The following RARS1 variants were observed in gnomAD, a reference collection of about 807,000 sequenced individuals.
The protein encoded by RARS1 is arginine--tRNA ligase, cytoplasmic.
Under a neutral mutation model 78.7 loss-of-function variants are expected in RARS1, and 75 were observed. That is an observed-to-expected ratio of 0.95 (90% CI 0.79 to 1.15). The LOEUF is 1.15. Among genes scored for constraint, RARS1 ranks in the 50% most tolerant of loss-of-function variants. RARS1 has a pLI of 0.00. For missense variants in RARS1, 787 were observed against 787.5 expected (o/e 1.00, Z 0.01); for synonymous variants, 273 against 268.2 (o/e 1.02, Z -0.18).
At chr5:168,501,542 G>A (rs1018026600) in intron 8 of RARS1, among the ~76,000 whole-genome samples, 1 of 152,170 alleles carries the variant, frequency 6.6e-6, no homozygotes, top group African/African-American at 2.4e-5. Flanking sequence ...GGCCAACATG[G>A]TGAAACCCCA....
Position 168,506,957 on chromosome 5 carries a change from T to G in RARS1, c.1346+126T>G. ...TTAGTCCACATAAGCTATAATGGTG[T>G]AAACCCAGCTGAGTGATTTTGTATC... On this transcript the variant is annotated intron_variant, in intron 11 of 14. Coordinates refer to ENST00000231572, the MANE Select transcript of RARS1 (RefSeq NM_002887.4). 4 of 720,912 alleles carry G rather than the reference T, an allele frequency of 5.5e-6. No homozygotes were observed. The Middle Eastern group carries it at 8.3e-4, about 150-fold the overall frequency. The allele number at this position is 720,912 out of a possible 1,614,324, so 44.7% of individuals were successfully genotyped here.
intron 14 of RARS1, 33 bp downstream of exon 14, chr5:168,518,095 T>TTTTTTTTTTTTTTTTG: frequency 1.5e-6 from 2 of 1,338,148 alleles, no homozygotes; most frequent in Non-Finnish European, 2.0e-6. Flanking sequence ...TTTTTTTTTT[T>TTTTTTTTTTTTTTTTG]AGTGAGAGAC....
rs1281643456 is a variant in RARS1 at position 168,500,581 on chromosome 5, A to G, written c.823-10A>G. The G allele has an allele frequency of 6.8e-7, 1 of 1,476,340 alleles. No homozygotes were observed. Among genetic ancestry groups the G allele is most frequent in the African/African-American group, 1.5e-5 (1 of 68,798 alleles). The allele number at this position is 1,476,340 out of a possible 1,614,324, so 91.5% of individuals were successfully genotyped here. Reference sequence around the variant, plus strand: ...ACACACCTTACTTTTTAAAATATATATATATACAGGAATCTAAGAAGAGGT... The same window carrying G: ...ACACACCTTACTTTTTAAAATATATGTATATACAGGAATCTAAGAAGAGGT... On this transcript the variant is annotated splice_polypyrimidine_tract_variant and intron_variant, in intron 7 of 14. Transcript: ENST00000231572.
In RARS1 at chr5:168,510,479, A is replaced by T. The variant is rs1758542261; in HGVS notation, c.1347-102A>T. 6.3e-6 allele frequency: 5 copies of T among 797,136 alleles called. No individual in the cohort carries two copies. The East Asian group carries it at 1.3e-4, about 21-fold the overall frequency. 49.4% of individuals were successfully genotyped at this position (797,136 alleles called of 1,614,324 possible). A position where few individuals can be genotyped will look rare whatever the true frequency, so the allele number is the denominator to read the frequency against. On this transcript the variant is annotated intron_variant, in intron 11 of 14. Transcript: ENST00000231572. Reference sequence around the variant, plus strand: ...TATGTACCTTAGAGATTTAAAACATATGTTGCAGTTTTGTGGTCAGGTCTC... The same window carrying T: ...TATGTACCTTAGAGATTTAAAACATTTGTTGCAGTTTTGTGGTCAGGTCTC...
At chr5:168,510,903 T>C (rs1758551646) in intron 12 of RARS1, among the ~76,000 whole-genome samples, 2 of 152,260 alleles carry the variant, frequency 1.3e-5, no homozygotes, top group Non-Finnish European at 2.9e-5. Context: ...CCTTGGCTTT[T>C]TCCTCCTTTG....
Position 168,518,048 on chromosome 5 carries a change from AAGAT to A in RARS1, c.1863_1866del (p.Gln623LeufsTer5), listed in dbSNP as rs779259536. On this transcript the variant is annotated frameshift_variant, in exon 14 of 15. Transcript: ENST00000231572. LOFTEE classifies it high-confidence loss of function. ...TATGATAGCTGCTACTGTGTGGAGA[AAGAT>A]AGACAGACTGGTGAGTGTCTTTTTT... 24 of 1,439,012 alleles carry A rather than the reference AAGAT, an allele frequency of 1.7e-5. No individual in the cohort carries two copies. The highest frequency in any genetic ancestry group is 2.0e-5 in the Admixed American group (1 of 49,036). 89.1% of individuals were successfully genotyped at this position (1,439,012 alleles called of 1,614,324 possible). A position where few individuals can be genotyped will look rare whatever the true frequency, so the allele number is the denominator to read the frequency against.
chr5:168,497,489 C>G, intron 7 of RARS1, 141 bp downstream of exon 7: 2 of 612,666 alleles, frequency 3.3e-6, no homozygotes, highest in Non-Finnish European at 5.0e-6. Flanking sequence ...ATACATGTCT[C>G]TGTATAAATG....
chr5:168,515,933 T>C (rs1250569190), intron 12 of RARS1, among the ~76,000 whole-genome samples: 3 of 152,210 alleles, frequency 2.0e-5, no homozygotes, highest in African/African-American at 7.2e-5. Flanking sequence ...CTCCTTCTTT[T>C]TGGGGATTGT....
intron 12 of RARS1, among the ~76,000 whole-genome samples, chr5:168,512,743 A>G (rs1367570174): frequency 6.6e-6 from 1 of 152,140 alleles, no homozygotes; most frequent in Non-Finnish European, 1.5e-5. Flanking sequence ...TCCCTGCTTT[A>G]TATTCACTGG....
chr5:168,504,053 CCT>C (rs1301430426), intron 9 of RARS1, among the ~76,000 whole-genome samples: 1 of 137,142 alleles, frequency 7.3e-6, no homozygotes, highest in African/African-American at 2.8e-5. Context: ...AGAATGAGGC[CCT>C]GTCTCTGAAA....
chr5:168,508,774 TG>T (rs1319927485), intron 11 of RARS1, among the ~76,000 whole-genome samples: 1 of 152,198 alleles, frequency 6.6e-6, no homozygotes, highest in East Asian at 1.9e-4. Context: ...ATCATCTTCC[TG>T]CTATTCCTTG....
chr5:168,495,168 C>T, intron 5 of RARS1, 147 bp from the exon 6 acceptor site: 1 of 1,339,396 alleles, frequency 7.5e-7, no homozygotes, highest in Non-Finnish European at 9.8e-7. Flanking sequence ...GAATTACGGC[C>T]CAAATTAATG....
At chr5:168,504,581 C>G (rs1238460672) in intron 9 of RARS1, among the ~76,000 whole-genome samples, 2 of 150,898 alleles carry the variant, frequency 1.3e-5, no homozygotes, top group African/African-American at 4.9e-5. Context: ...AATCCCAGCA[C>G]TTTGGGAGGC....
chr5:168,509,400 AG>A (rs1351958492), intron 11 of RARS1, among the ~76,000 whole-genome samples: 2 of 151,342 alleles, frequency 1.3e-5, no homozygotes, highest in African/African-American at 2.4e-5. Context: ...GTGTTAGAAA[AG>A]CATGCTTCAT....
At position 168,517,032 on chromosome 5, in the gene RARS1, T is replaced by C. The variant is rs915946379; in HGVS notation, c.1625+82T>C. 28 of 1,412,758 alleles carry C rather than the reference T, an allele frequency of 2.0e-5. No homozygotes were observed. In the African/African-American group the frequency reaches 3.9e-4, roughly 20 times the overall value. 87.5% of individuals were successfully genotyped at this position (1,412,758 alleles called of 1,614,324 possible). ...TCAAAAATATTTTCTTTTTTTTTTT[T>C]TGAAATGAGACGGGGTCTTGGGCTC... On this transcript the variant is annotated intron_variant, in intron 13 of 14. Transcript: ENST00000231572.
Position 168,491,040 on chromosome 5 carries a change from G to A in RARS1, c.181-1619G>A, listed in dbSNP as rs529647222. ...TAATCCCAGCTACTTGGGAGGCTGA[G>A]GCATGAGAATCACTTAAACCCAGGA... is the stretch of plus-strand genomic sequence containing the variant. On this transcript the variant is annotated intron_variant, in intron 2 of 14. Transcript: ENST00000231572. 2.6e-5 allele frequency among the ~76,000 whole-genome samples: 4 copies of A among 152,306 alleles called. No homozygotes were observed. In the East Asian group the frequency reaches 7.7e-4, roughly 29 times the overall value.
At chr5:168,491,595 A>G (rs939530593) in intron 2 of RARS1, among the ~76,000 whole-genome samples, 1 of 152,194 alleles carries the variant, frequency 6.6e-6, no homozygotes, top group Non-Finnish European at 1.5e-5. Context: ...TGGACTGTCC[A>G]TTCCAATAGA....
Position 168,500,574 on chromosome 5 carries a change from A to AATAT in RARS1, c.823-7_823-4dup. ...TCTTTTTACACACCTTACTTTTTAA[A>AATAT]ATATATATATATACAGGAATCTAAG... On this transcript the variant is annotated splice_polypyrimidine_tract_variant and intron_variant, in intron 7 of 14. Transcript: ENST00000231572. 1.4e-6 allele frequency: 2 copies of AATAT among 1,422,026 alleles called. No homozygotes were observed. Among genetic ancestry groups the AATAT allele is most frequent in the East Asian group, 2.7e-5 (1 of 36,590 alleles). 88.1% of individuals were successfully genotyped at this position (1,422,026 alleles called of 1,614,324 possible). A position where few individuals can be genotyped will look rare whatever the true frequency, so the allele number is the denominator to read the frequency against.
chr5:168,491,397 A>G lies in RARS1; in HGVS notation c.181-1262A>G, dbSNP rs573448081. ...AAAGAAGAGAAAAGGATCATATCCA[A>G]GTAAATTTGGCATTTGCTGTTGGAA... On this transcript the variant is annotated intron_variant, in intron 2 of 14. Coordinates refer to ENST00000231572, the MANE Select transcript of RARS1 (RefSeq NM_002887.4). Among the ~76,000 whole-genome samples the G allele has an allele frequency of 5.9e-5, 9 of 152,374 alleles. 1 individual carries two copies. The South Asian group carries it at 1.9e-3, about 32-fold the overall frequency.
Sources: gnomAD v4.1 joint callset for allele counts (sites outside exome capture counted in the v4.1 genomes callset) on GRCh38, gnomAD v4.1.1 for gene constraint, MANE v1.5 for transcripts, NCBI Gene and HGNC (gene_info 2026-07-23, HGNC 2026-07-21) for gene names.